ZNF778: variants seen among roughly 807,000 people sequenced by gnomAD.
ZNF778 encodes the protein zinc finger protein 778.
Under a neutral mutation model 23.9 loss-of-function variants are expected in ZNF778, and 37 were observed. The observed-to-expected ratio is 1.54, with a 90% CI of 1.19 to 2.03. The LOEUF is 2.03. ZNF778 is among the 30% of genes most tolerant of loss of function. The probability of loss-of-function intolerance (pLI) is 0.00; values close to 1 mark genes in which losing one functional copy is unlikely to be tolerated. For missense variants in ZNF778, 1,297 were observed against 934.4 expected (o/e 1.39, Z -5.06); for synonymous variants, 483 against 343.9 (o/e 1.40, Z -4.48).
intron 1 of ZNF778, among the ~76,000 whole-genome samples, chr16:89,219,671 T>A (rs948621209): frequency 2.0e-5 from 3 of 152,264 alleles, no homozygotes; most frequent in African/African-American, 7.2e-5. Context: ...GGACGCTGTG[T>A]CAGTGGGTCT....
chr16:89,226,154 C>A (rs945258881), intron 6 of ZNF778, among the ~76,000 whole-genome samples: 6 of 151,734 alleles, frequency 4.0e-5, no homozygotes, highest in Non-Finnish European at 7.4e-5. Context: ...TTGTGATCCT[C>A]CCACCTCAGC....
chr16:89,226,670 C>T (rs1483988587), intron 6 of ZNF778, 24 bp from the exon 7 acceptor site: 6 of 1,589,034 alleles, frequency 3.8e-6, no homozygotes, highest in South Asian at 2.3e-5. Context: ...AACCCCCTGA[C>T]CACCACTCAT....
rs113764250 is a variant in ZNF778, at chr16:89,226,841, C to G, written c.553C>G (p.Pro185Ala). The G allele has an allele frequency of 2.5e-6, 4 of 1,613,832 alleles. No homozygotes were observed. Among genetic ancestry groups the G allele is most frequent in the South Asian group, 2.2e-5 (2 of 91,078 alleles). The stretch of plus-strand genomic sequence containing the variant: ...TCATTATGAAAGGGACTTTTTTATT[C>G]CATGCCAGAAAACCTTGTTCAAAAT... ...SNHYERDFFI[P>A]CQKTLFKIGE... Residue 185 changes from proline to alanine, a missense_variant, in exon 7 of 7, where the codon CCA (proline) becomes GCA (alanine). Pro to Ala is a conservative substitution (Grantham distance 27). Coordinates refer to ENST00000433976, the MANE Select transcript of ZNF778 (RefSeq NM_001201407.2).
rs563989266 is a variant in ZNF778, at chr16:89,228,465, A to G, written c.2177A>G (p.Glu726Gly). 5.6e-6 allele frequency: 9 copies of G among 1,613,854 alleles called. No individual in the cohort carries two copies. The highest frequency in any genetic ancestry group is 1.7e-5 in the Admixed American group (1 of 59,990). The stretch of plus-strand genomic sequence containing the variant: ...GAACATTTAAAAACTTACACTGAAG[A>G]GCAGGTTTTTGTATGTAAGGACTGT... ...LKEHLKTYTE[E>G]QVFVCKDCGK... Residue 726 changes from glutamate to glycine, a missense_variant, in exon 7 of 7, where the codon GAG becomes GGG. Physicochemically the swap from Glu to Gly is moderately conservative, Grantham distance 98 (BLOSUM62 -2). Coordinates refer to ENST00000433976, the MANE Select transcript of ZNF778 (RefSeq NM_001201407.2).
Position 89,227,747 on chromosome 16 carries a change from A to T in ZNF778, c.1459A>T (p.Thr487Ser). 1.2e-6 allele frequency: 2 copies of T among 1,613,124 alleles called. No individual in the cohort carries two copies. Among genetic ancestry groups the T allele is most frequent in the Non-Finnish European group, 1.7e-6 (2 of 1,179,226 alleles). Reference protein sequence around the residue: ...YECKDCGKSFTVSSSLTEHAR... With the variant: ...YECKDCGKSFSVSSSLTEHAR... ...ATGTAAAGATTGTGGGAAATCCTTCACTGTTTCTTCAAGCCTGACTGAGCA... is the reference window on the plus strand; with the variant it reads ...ATGTAAAGATTGTGGGAAATCCTTCTCTGTTTCTTCAAGCCTGACTGAGCA... The change falls in exon 7 of 7, where the codon ACT becomes TCT. Residue 487 changes from threonine (T) to serine (S), a missense_variant. Physicochemically the swap from Thr to Ser is moderately conservative, Grantham distance 58. Coordinates refer to ENST00000433976, the MANE Select transcript of ZNF778 (RefSeq NM_001201407.2).
intron 1 of ZNF778, among the ~76,000 whole-genome samples, chr16:89,219,290 C>T (rs537280014): frequency 6.6e-6 from 1 of 152,208 alleles, no homozygotes; most frequent in Non-Finnish European, 1.5e-5. Flanking sequence ...TGTGGTTTCT[C>T]TATCATATTG....
At chr16:89,223,392 A>T (rs767409974) in intron 4 of ZNF778, 109 bp downstream of exon 4, 37 of 1,475,894 alleles carry the variant, frequency 2.5e-5, no homozygotes, top group African/African-American at 4.2e-5. Flanking sequence ...GAAGTAAGAG[A>T]TATAACAACT....
rs1205561355 is a variant in ZNF778, at chr16:89,227,597, A to G, written c.1309A>G (p.Thr437Ala). 3 of 1,614,060 alleles carry G rather than the reference A, an allele frequency of 1.9e-6. No individual in the cohort carries two copies. Among genetic ancestry groups the G allele is most frequent in the Non-Finnish European group, 2.5e-6 (3 of 1,180,022 alleles). ...GKAFTVRCGLTRHVRTHTGEK... is the reference protein window; with the variant it reads ...GKAFTVRCGLARHVRTHTGEK... Reference sequence around the variant, plus strand: ...GGCCTTCACTGTGCGCTGTGGCCTTACTAGACACGTACGAACACACACGGG... The same window carrying G: ...GGCCTTCACTGTGCGCTGTGGCCTTGCTAGACACGTACGAACACACACGGG... The change falls in exon 7 of 7, where the codon ACT becomes GCT. Residue 437 changes from threonine to alanine, a missense_variant. Thr to Ala is a moderately conservative substitution (Grantham distance 58). Coordinates refer to ENST00000433976, the MANE Select transcript of ZNF778 (RefSeq NM_001201407.2).
At position 89,233,923 on chromosome 16, in the gene ZNF778, A is replaced by C. The variant is rs902574972; in HGVS notation, c.*5361A>C. 2.0e-5 allele frequency: 26 copies of C among 1,288,924 alleles called. No individual in the cohort carries two copies. Among genetic ancestry groups the C allele is most frequent in the South Asian group, 1.7e-4 (14 of 81,028 alleles). 79.8% of individuals were successfully genotyped at this position (1,288,924 alleles called of 1,614,324 possible). A position where few individuals can be genotyped will look rare whatever the true frequency, so the allele number is the denominator to read the frequency against. The stretch of plus-strand genomic sequence containing the variant: ...AGCCCAGGATGAGGCACTAGACAGC[A>C]GGACATGCTGTATGCCCTTGGGCCT... On this transcript the variant is annotated 3_prime_UTR_variant, in exon 7 of 7. Coordinates refer to ENST00000433976, the MANE Select transcript of ZNF778 (RefSeq NM_001201407.2).
At position 89,217,741 on chromosome 16, in the gene ZNF778, C is replaced by G. The variant is rs570148810; in HGVS notation, c.-301C>G. On this transcript the variant is annotated 5_prime_UTR_variant, in exon 1 of 7. Transcript: ENST00000433976. ...GATCCGGTTCTTGCGGCGGTGCGTG[C>G]TGGCGCCGGAGAGTTCCGCGCGTGT... 2 of 152,232 alleles carry G rather than the reference C, an allele frequency of 1.3e-5. No individual in the cohort carries two copies. Among genetic ancestry groups the G allele is most frequent in the African/African-American group, 2.4e-5 (1 of 41,470 alleles). 9.4% of individuals were successfully genotyped at this position (152,232 alleles called of 1,614,324 possible).
rs1024813313 is a variant in ZNF778 at position 89,236,801 on chromosome 16, G to A, written c.*8239G>A. 6.6e-6 allele frequency: 1 copy of A among 152,236 alleles called. No homozygotes were observed. Among genetic ancestry groups the A allele is most frequent in the Non-Finnish European group, 1.5e-5 (1 of 68,062 alleles). The allele number at this position is 152,236 out of a possible 1,614,324, so 9.4% of individuals were successfully genotyped here. A position where few individuals can be genotyped will look rare whatever the true frequency, so the allele number is the denominator to read the frequency against. The stretch of plus-strand genomic sequence containing the variant: ...CTAAAGAAGTGTACAGCTGGGTGTG[G>A]TGGCTCACGCCTGTAATCCCACCAC... On this transcript the variant is annotated 3_prime_UTR_variant, in exon 7 of 7. Coordinates refer to ENST00000433976, the MANE Select transcript of ZNF778 (RefSeq NM_001201407.2).
chr16:89,219,499 C>T (rs924434814), intron 1 of ZNF778, among the ~76,000 whole-genome samples: 1 of 152,210 alleles, frequency 6.6e-6, no homozygotes, highest in African/African-American at 2.4e-5. Flanking sequence ...TCCTTCTCTA[C>T]TCTGTCCTGG....
In ZNF778 at chr16:89,234,309, G is replaced by A; in HGVS notation, c.*5747G>A. 5.9e-6 allele frequency: 2 copies of A among 336,934 alleles called. No individual in the cohort carries two copies. Among genetic ancestry groups the A allele is most frequent in the Non-Finnish European group, 1.2e-5 (2 of 171,672 alleles). The allele number at this position is 336,934 out of a possible 1,614,324, so 20.9% of individuals were successfully genotyped here. On this transcript the variant is annotated 3_prime_UTR_variant, in exon 7 of 7. Transcript: ENST00000433976. ...TAGGAACTGCCATGTTGACTCCTGG[G>A]CAGTTTTATTCTTTCTCTCTACTCG...
In ZNF778 at chr16:89,228,412, A is replaced by G; in HGVS notation, c.2124A>G (p.Lys708=). 1 of 1,614,008 alleles carries G rather than the reference A, an allele frequency of 6.2e-7. No homozygotes were observed. Among genetic ancestry groups the G allele is most frequent in the Non-Finnish European group, 8.5e-7 (1 of 1,179,884 alleles). ...CCTATAAATGTAAGGAATGTGGGAA[A>G]GCATACAATAGGTTTTATCTACTAA... ...QKPYKCKECG[K]AYNRFYLLKE... The change falls in exon 7 of 7, where the codon AAA becomes AAG. Residue 708 remains lysine, a synonymous_variant. Coordinates refer to ENST00000433976, the MANE Select transcript of ZNF778 (RefSeq NM_001201407.2).
chr16:89,218,164 C>T (rs922531602), intron 1 of ZNF778: 5 of 152,204 alleles, frequency 3.3e-5, no homozygotes, highest in African/African-American at 1.2e-4. Context: ...GCCGTTGTCC[C>T]GCTGGTCTTG....
rs754858493 is a variant in ZNF778 at position 89,222,133 on chromosome 16, C to A, written c.67C>A (p.Gln23Lys). 6.2e-7 allele frequency: 1 copy of A among 1,605,768 alleles called. No homozygotes were observed. The highest frequency in any genetic ancestry group is 2.3e-5 in the East Asian group (1 of 44,360). The stretch of plus-strand genomic sequence containing the variant: ...GGACTCAGTCTGCCTTCATGAAGAA[C>A]AGACACAGGCAGCAGGGATGGTGGC... ...SRDSVCLHEE[Q>K]TQAAGMVAGW... is the part of the protein sequence containing the mutation. The change falls in exon 3 of 7, where the codon CAG (glutamine) becomes AAG (lysine). Residue 23 changes from glutamine (Q) to lysine (K), a missense_variant. Physicochemically the swap from Gln to Lys is moderately conservative, Grantham distance 53 (BLOSUM62 1). Transcript: ENST00000433976.
In ZNF778 at chr16:89,230,939, A is replaced by G. The variant is rs183970703; in HGVS notation, c.*2377A>G. 1 of 152,126 alleles carries G rather than the reference A, an allele frequency of 6.6e-6. No individual in the cohort carries two copies. Among genetic ancestry groups the G allele is most frequent in the African/African-American group, 2.4e-5 (1 of 41,490 alleles). The allele number at this position is 152,126 out of a possible 1,614,324, so 9.4% of individuals were successfully genotyped here. ...GGACAGACCCATGCACCTTCATGTT[A>G]CGTGTTTAAAATTCTGGATGGACAG... On this transcript the variant is annotated 3_prime_UTR_variant, in exon 7 of 7. Coordinates refer to ENST00000433976, the MANE Select transcript of ZNF778 (RefSeq NM_001201407.2).
rs112185702 is a variant in ZNF778 at position 89,223,386 on chromosome 16, T to G, written c.244+103T>G. The stretch of plus-strand genomic sequence containing the variant: ...CGGCAAAGCCGAGTACCACGGGAAG[T>G]AAGAGATATAACAACTGTGCTAGTA... On this transcript the variant is annotated intron_variant, in intron 4 of 6. Transcript: ENST00000433976. 6.6e-5 allele frequency: 100 copies of G among 1,504,232 alleles called. No homozygotes were observed. In the African/African-American group the frequency reaches 7.1e-4, roughly 11 times the overall value. The allele number at this position is 1,504,232 out of a possible 1,614,324, so 93.2% of individuals were successfully genotyped here.
chr16:89,221,237 G>C, intron 2 of ZNF778, 85 bp downstream of exon 2: 2 of 1,460,710 alleles, frequency 1.4e-6, no homozygotes, highest in Non-Finnish European at 1.9e-6. Flanking sequence ...GACGGGGCCT[G>C]AGTAGTCACG....
Sources: gnomAD v4.1 joint callset for allele counts (sites outside exome capture counted in the v4.1 genomes callset) on GRCh38, gnomAD v4.1.1 for gene constraint, MANE v1.5 for transcripts, NCBI Gene and HGNC (gene_info 2026-07-23, HGNC 2026-07-21) for gene names.